TTC1: variants seen among roughly 807,000 people sequenced by gnomAD.
TTC1 encodes the protein tetratricopeptide repeat protein 1.
In TTC1, 31 loss-of-function variants were observed where a neutral mutation model predicts 37.6. The ratio of observed to expected loss-of-function variants is 0.82; its 90% confidence interval spans 0.62 to 1.11. The LOEUF is 1.11. Ranked by LOEUF, TTC1 falls within the 50% of genes most tolerant of loss-of-function variation. The probability of loss-of-function intolerance (pLI) is 0.00; values close to 1 mark genes in which losing one functional copy is unlikely to be tolerated. For synonymous variants in TTC1, 127 were observed against 122.4 expected (o/e 1.04, Z -0.25); for missense variants, 351 against 339.0 (o/e 1.04, Z -0.28).
At chr5:160,054,172 G>A (rs1046303028) in intron 7 of TTC1, among the ~76,000 whole-genome samples, 1 of 152,200 alleles carries the variant, frequency 6.6e-6, no homozygotes, top group Non-Finnish European at 1.5e-5. Context: ...GGACTTAAGG[G>A]TATGTGTGGT....
chr5:160,051,310 G>A, intron 7 of TTC1, 127 bp downstream of exon 7: 2 of 692,284 alleles, frequency 2.9e-6, no homozygotes, highest in Non-Finnish European at 4.6e-6. Context: ...ACTGACTTCT[G>A]AGTTATTTTG....
At chr5:160,056,214 A>G (rs1350475742) in intron 7 of TTC1, among the ~76,000 whole-genome samples, 1 of 152,200 alleles carries the variant, frequency 6.6e-6, no homozygotes, top group Non-Finnish European at 1.5e-5. Flanking sequence ...CCTTCCTTTC[A>G]CCAGCACCTG....
rs1455398645 is a variant in TTC1, at chr5:160,036,708, A to G, written c.409A>G (p.Ser137Gly). Residue 137 changes from serine (S) to glycine (G), a missense_variant, in exon 4 of 8, where the codon AGT becomes GGT. Ser to Gly is a moderately conservative substitution (Grantham distance 56). Coordinates refer to ENST00000231238, the MANE Select transcript of TTC1 (RefSeq NM_003314.3). ...ATCCTCAGATTATATAGAAGCTGAAAGTTCTTATAGTCGAGCCCTCGAAAT... is the reference window on the plus strand; with the variant it reads ...ATCCTCAGATTATATAGAAGCTGAAGGTTCTTATAGTCGAGCCCTCGAAAT... ...FKKGDYIEAE[S>G]SYSRALEMCP... is the part of the protein sequence containing the mutation. The G allele has an allele frequency of 6.2e-7, 1 of 1,613,284 alleles. No individual in the cohort carries two copies. Among genetic ancestry groups the G allele is most frequent in the Non-Finnish European group, 8.5e-7 (1 of 1,179,314 alleles).
At chr5:160,062,500 A>G (rs1341339471) in intron 7 of TTC1, among the ~76,000 whole-genome samples, 1 of 152,208 alleles carries the variant, frequency 6.6e-6, no homozygotes, top group East Asian at 1.9e-4. Flanking sequence ...TAGACTGAGC[A>G]TTGTGCATAG....
intron 3 of TTC1, chr5:160,036,425 G>A: frequency 3.0e-6 from 1 of 328,364 alleles, no homozygotes; most frequent in East Asian, 5.5e-5. Context: ...GGACTCCTGA[G>A]TATTGAGGGC....
chr5:160,015,781 A>G (rs1756593653), intron 2 of TTC1, among the ~76,000 whole-genome samples: 1 of 152,202 alleles, frequency 6.6e-6, no homozygotes, highest in South Asian at 2.1e-4. Flanking sequence ...TGTGCTAACC[A>G]TTCAGTCGGA....
chr5:160,035,117 T>C, intron 2 of TTC1, 23 bp from the exon 3 acceptor site: 2 of 1,576,678 alleles, frequency 1.3e-6, no homozygotes, highest in South Asian at 1.2e-5. Flanking sequence ...TGAGAAATTA[T>C]GTAATTCTCT....
chr5:160,012,166 A>G (rs538250206), intron 2 of TTC1, among the ~76,000 whole-genome samples: 1 of 152,282 alleles, frequency 6.6e-6, no homozygotes, highest in East Asian at 1.9e-4. Context: ...CATCTATGTT[A>G]AAAAGTTAGT....
chr5:160,032,890 T>G (rs1020890958), intron 2 of TTC1, among the ~76,000 whole-genome samples: 9 of 148,864 alleles, frequency 6.0e-5, no homozygotes, highest in Admixed American at 2.7e-4. Flanking sequence ...ATTTTTTTTT[T>G]TGGGGGGGTA....
chr5:160,036,655 A>G, intron 3 of TTC1, 36 bp from the exon 4 acceptor site: 1 of 1,427,978 alleles, frequency 7.0e-7, no homozygotes, highest in South Asian at 1.1e-5. Flanking sequence ...CAGGAATAAA[A>G]TCAAAATGAC....
intron 2 of TTC1, among the ~76,000 whole-genome samples, chr5:160,033,702 A>C (rs547725758): frequency 3.9e-5 from 6 of 152,340 alleles, no homozygotes; most frequent in Non-Finnish European, 4.4e-5. Flanking sequence ...TTCTCATGAA[A>C]GTGAACTCAC....
chr5:160,009,735 C>G (rs1216023023), intron 1 of TTC1, among the ~76,000 whole-genome samples: 1 of 152,172 alleles, frequency 6.6e-6, no homozygotes, highest in Non-Finnish European at 1.5e-5. Context: ...CAGAGTCACG[C>G]TTTCTAATGC....
At chr5:160,045,773 C>T (rs10475680) in intron 5 of TTC1, among the ~76,000 whole-genome samples, 63 of 151,998 alleles carry the variant, frequency 4.1e-4, no homozygotes, top group African/African-American at 1.4e-3. Context: ...GACAGAGACT[C>T]GCTCTGTTGC....
intron 2 of TTC1, among the ~76,000 whole-genome samples, chr5:160,029,466 AC>A (rs201530964): frequency 4.3e-5 from 5 of 115,352 alleles, no homozygotes; most frequent in Admixed American, 9.3e-5. Flanking sequence ...ACATAGTGAG[AC>A]CCCCCCATCT....
Position 160,065,497 on chromosome 5 carries a change from C to T in TTC1, c.*432C>T, listed in dbSNP as rs1455847556. ...ATCACACAGCTAACGAGGCTGCCTC[C>T]AGCATTTCCTGATTTCCTCTGTGGT... On this transcript the variant is annotated 3_prime_UTR_variant, in exon 8 of 8. Transcript: ENST00000231238. 2 of 433,646 alleles carry T rather than the reference C, an allele frequency of 4.6e-6. No homozygotes were observed. The highest frequency in any genetic ancestry group is 1.6e-5 in the South Asian group (1 of 60,932). 26.9% of individuals were successfully genotyped at this position (433,646 alleles called of 1,614,324 possible).
chr5:160,019,402 G>A (rs1258196883), intron 2 of TTC1, among the ~76,000 whole-genome samples: 2 of 151,934 alleles, frequency 1.3e-5, no homozygotes, highest in African/African-American at 4.8e-5. Context: ...CCATGTTTCT[G>A]CCACCCTATT....
intron 2 of TTC1, among the ~76,000 whole-genome samples, chr5:160,013,449 T>C (rs1341165028): frequency 1.3e-5 from 2 of 151,524 alleles, no homozygotes; most frequent in Non-Finnish European, 2.9e-5. Flanking sequence ...TCATTAATAA[T>C]GATGAAAAGT....
chr5:160,045,439 G>A (rs926166548), intron 5 of TTC1, among the ~76,000 whole-genome samples: 1 of 121,160 alleles, frequency 8.3e-6, no homozygotes, highest in Non-Finnish European at 1.7e-5. Context: ...GAGAGCCCCC[G>A]ACATCCCCCA....
chr5:160,052,054 G>GCCA (rs1292833085), intron 7 of TTC1, among the ~76,000 whole-genome samples: 1 of 152,242 alleles, frequency 6.6e-6, no homozygotes, highest in Admixed American at 6.5e-5. Flanking sequence ...AGTTGATTGA[G>GCCA]AGGAGGCCAT....
Sources: allele counts gnomAD v4.1 joint callset (sites outside exome capture counted in the v4.1 genomes callset), GRCh38; gene constraint gnomAD v4.1.1; transcripts MANE v1.5; gene names NCBI Gene and HGNC (gene_info 2026-07-23, HGNC 2026-07-21).